Variants in FKBP5 observed in about 807,000 individuals in gnomAD.
The protein encoded by FKBP5 is FKBP prolyl isomerase 5, also known as peptidyl-prolyl cis-trans isomerase FKBP5.
A neutral mutation model predicts 50.5 loss-of-function variants in FKBP5; 23 were observed. The observed-to-expected ratio is 0.46, with a 90% CI of 0.33 to 0.65. The LOEUF (loss-of-function observed/expected upper bound fraction) is 0.65. FKBP5 is among the 30% of genes least tolerant of loss of function. FKBP5 has a pLI of 0.02. For missense variants in FKBP5, 411 were observed against 553.1 expected, an observed-to-expected ratio of 0.74 and a Z score of 2.58; for synonymous variants, 176 against 190.6, an observed-to-expected ratio of 0.92 and a Z score of 0.63.
intron 2 of FKBP5, among the ~76,000 whole-genome samples, chr6:35,638,961 G>C (rs1764402118): frequency 6.6e-6 from 1 of 152,030 alleles, no homozygotes; most frequent in Non-Finnish European, 1.5e-5. Flanking sequence ...GAGAGTCAGA[G>C]AGCCATCCAC....
At position 35,658,360 on chromosome 6, in the gene FKBP5, C is replaced by T. The variant is rs576302703; in HGVS notation, c.-19-15517G>A. 1.1e-4 allele frequency among the ~76,000 whole-genome samples: 16 copies of T among 150,890 alleles called. No homozygotes were observed. In the South Asian group the frequency reaches 2.7e-3, roughly 26 times the overall value. On this transcript the variant is annotated intron_variant, in intron 1 of 10. Transcript: ENST00000357266. Reference sequence around the variant, plus strand: ...CACTGCACTCCAGCCTGGGCGACTCCGTCTTTTTTTGAGACTCCGTCAAAA... The same window carrying T: ...CACTGCACTCCAGCCTGGGCGACTCTGTCTTTTTTTGAGACTCCGTCAAAA...
intron 2 of FKBP5, among the ~76,000 whole-genome samples, chr6:35,703,458 A>G (rs1167853184): frequency 6.6e-6 from 1 of 152,166 alleles, no homozygotes; most frequent in African/African-American, 2.4e-5. Flanking sequence ...AATGATACTC[A>G]AGGTGATTGA....
At chr6:35,634,464 A>G (rs1274613227) in intron 3 of FKBP5, among the ~76,000 whole-genome samples, 1 of 152,222 alleles carries the variant, frequency 6.6e-6, no homozygotes, top group African/African-American at 2.4e-5. Flanking sequence ...AAAGGAGAAG[A>G]GAGCAGGGGC....
chr6:35,613,907 T>C (rs895701795), intron 5 of FKBP5, among the ~76,000 whole-genome samples: 1 of 152,214 alleles, frequency 6.6e-6, no homozygotes, highest in Non-Finnish European at 1.5e-5. Flanking sequence ...TCTCTTTTTT[T>C]CAAACTGAGA....
chr6:35,711,012 C>T (rs966110797), intron 2 of FKBP5, among the ~76,000 whole-genome samples: 1 of 152,046 alleles, frequency 6.6e-6, no homozygotes, highest in African/African-American at 2.4e-5. Flanking sequence ...GGCCAGGTAG[C>T]GATTGATTGC....
chr6:35,615,614 GAATA>G (rs1763628875), intron 5 of FKBP5, among the ~76,000 whole-genome samples: 3 of 152,078 alleles, frequency 2.0e-5, no homozygotes, highest in African/African-American at 7.2e-5. Context: ...TAAATAAACT[GAATA>G]AATATACAGT....
Position 35,661,298 on chromosome 6 carries a change from C to T in FKBP5, c.-19-18455G>A, listed in dbSNP as rs550300718. Among the ~76,000 whole-genome samples, 89 of 82,558 alleles carry T rather than the reference C, an allele frequency of 1.1e-3. 27 individuals carry two copies. Among genetic ancestry groups the T allele is most frequent in the African/African-American group, 3.1e-3 (82 of 26,680 alleles). 54.2% of individuals were successfully genotyped at this position (82,558 alleles called of 152,430 possible). ...GCCACCACACCCGGCCTGAATTGTACACTTTAAAGGGGAGAATATTATGGT... is the reference window on the plus strand; with the variant it reads ...GCCACCACACCCGGCCTGAATTGTATACTTTAAAGGGGAGAATATTATGGT... On this transcript the variant is annotated intron_variant, in intron 1 of 10. Transcript: ENST00000357266.
upstream of FKBP5, among the ~76,000 whole-genome samples, chr6:35,692,790 CAAAAA>C (rs71002588): frequency 1.9e-5 from 2 of 105,634 alleles, no homozygotes; most frequent in South Asian, 6.4e-4. Flanking sequence ...GACTCTGTCT[CAAAAA>C]AAAAAAAAAA....
chr6:35,686,068 G>A (rs1334972209), intron 1 of FKBP5, among the ~76,000 whole-genome samples: 1 of 149,640 alleles, frequency 6.7e-6, no homozygotes, highest in Non-Finnish European at 1.5e-5. Flanking sequence ...TTTAATGTAA[G>A]CCCTTGTTTT....
chr6:35,644,351 C>T (rs149130623), intron 1 of FKBP5, among the ~76,000 whole-genome samples: 74 of 152,354 alleles, frequency 4.9e-4, no homozygotes, highest in African/African-American at 1.7e-3. Flanking sequence ...TCTCCTGAGC[C>T]TTCTTGTCTA....
rs547450588 is a variant in FKBP5, at chr6:35,642,608, C to T, written c.105+112G>A. The T allele has an allele frequency of 1.8e-5, 13 of 729,898 alleles. 1 individual carries two copies. The South Asian group carries it at 2.7e-4, about 15-fold the overall frequency. 45.2% of individuals were successfully genotyped at this position (729,898 alleles called of 1,614,324 possible). A position where few individuals can be genotyped will look rare whatever the true frequency, so the allele number is the denominator to read the frequency against. ...ATGAGAATCTAGCTCTAGTGTTTGG[C>T]ACTTAGTAACCATCAATAAACATTA... On this transcript the variant is annotated intron_variant, in intron 2 of 10. Coordinates refer to ENST00000357266, the MANE Select transcript of FKBP5 (RefSeq NM_004117.4).
chr6:35,601,648 T>A (rs1363157908), intron 5 of FKBP5, among the ~76,000 whole-genome samples: 1 of 152,216 alleles, frequency 6.6e-6, no homozygotes, highest in South Asian at 2.1e-4. Flanking sequence ...TGACCTGGCA[T>A]CTTTTAGTGC....
chr6:35,679,479 T>C lies in FKBP5; in HGVS notation c.-20+9325A>G, dbSNP rs148287565. ...AAGTTAGTCCTTTTATCCATGTTGATTGATATCAGACATCTGTCATTCTTC... is the reference window on the plus strand; with the variant it reads ...AAGTTAGTCCTTTTATCCATGTTGACTGATATCAGACATCTGTCATTCTTC... On this transcript the variant is annotated intron_variant, in intron 1 of 10. Coordinates refer to ENST00000357266, the MANE Select transcript of FKBP5 (RefSeq NM_004117.4). 1.3e-4 allele frequency among the ~76,000 whole-genome samples: 20 copies of C among 152,374 alleles called. No homozygotes were observed. In the East Asian group the frequency reaches 3.3e-3, roughly 25 times the overall value.
intron 6 of FKBP5, among the ~76,000 whole-genome samples, chr6:35,592,028 T>C (rs866931778): frequency 6.6e-6 from 1 of 152,220 alleles, no homozygotes; most frequent in Non-Finnish European, 1.5e-5. Context: ...TTTACTAGAA[T>C]GGGAGCTGTA....
Position 35,620,246 on chromosome 6 carries a change from C to T in FKBP5, c.279G>A (p.Gly93=). ...KGQVIKAWDI[G]VATMKKGEIC... ...TCTCTCCTTTCTTCATGGTAGCCACCCCAATGTCCCATGCCTTGATGACTT... is the reference window on the plus strand; with the variant it reads ...TCTCTCCTTTCTTCATGGTAGCCACTCCAATGTCCCATGCCTTGATGACTT... The change falls in exon 4 of 11, where the codon GGG becomes GGA. Residue 93 remains glycine, a synonymous_variant. Coordinates refer to ENST00000357266, the MANE Select transcript of FKBP5 (RefSeq NM_004117.4). 1 of 1,614,012 alleles carries T rather than the reference C, an allele frequency of 6.2e-7. No individual in the cohort carries two copies. Among genetic ancestry groups the T allele is most frequent in the African/African-American group, 1.3e-5 (1 of 75,002 alleles).
chr6:35,580,159 T>C lies in FKBP5; in HGVS notation c.903A>G (p.Glu301=). The change falls in exon 9 of 11, where the codon GAA becomes GAG. Residue 301 remains glutamate (E), a synonymous_variant. Transcript: ENST00000357266. ...YGKIVSWLEM[E]YGLSEKESKA... ...TCGATTCCTTTTCTGATAAACCATATTCCATCTCTAACCAGGACACTATCT... is the reference window on the plus strand; with the variant it reads ...TCGATTCCTTTTCTGATAAACCATACTCCATCTCTAACCAGGACACTATCT... 1 of 1,614,126 alleles carries C rather than the reference T, an allele frequency of 6.2e-7. No homozygotes were observed. The highest frequency in any genetic ancestry group is 8.5e-7 in the Non-Finnish European group (1 of 1,179,952).
intron 5 of FKBP5, among the ~76,000 whole-genome samples, chr6:35,609,591 A>T (rs1032224316): frequency 6.6e-6 from 1 of 152,176 alleles, no homozygotes; most frequent in African/African-American, 2.4e-5. Context: ...TATTCCCTGT[A>T]GGAAATTTTC....
chr6:35,664,325 G>T (rs1366381188), intron 1 of FKBP5, among the ~76,000 whole-genome samples: 1 of 151,850 alleles, frequency 6.6e-6, no homozygotes, highest in Non-Finnish European at 1.5e-5. Flanking sequence ...CAAACAAGAT[G>T]AAAGATTTTA....
chr6:35,661,460 T>TA lies in FKBP5; in HGVS notation c.-19-18618_-19-18617insT, dbSNP rs1231956367. On this transcript the variant is annotated intron_variant, in intron 1 of 10. Transcript: ENST00000357266. ...TATGAACATTTTTGTGCCTAAGCTT[T>TA]TATCATATGTAATTGAAAGTATGGC... Among the ~76,000 whole-genome samples the TA allele has an allele frequency of 7.1e-5, 6 of 84,174 alleles. 3 individuals are homozygous for TA. Among genetic ancestry groups the TA allele is most frequent in the African/African-American group, 2.2e-4 (6 of 27,274 alleles). The allele number at this position is 84,174 out of a possible 152,430, so 55.2% of individuals were successfully genotyped here.
Sources: gnomAD v4.1 joint callset for allele counts (sites outside exome capture counted in the v4.1 genomes callset) on GRCh38, gnomAD v4.1.1 for gene constraint, MANE v1.5 for transcripts, NCBI Gene and HGNC (gene_info 2026-07-23, HGNC 2026-07-21) for gene names.